Variants in CHRM3 observed in about 807,000 individuals in gnomAD.
CHRM3 encodes cholinergic receptor muscarinic 3.
Under a neutral mutation model 41.8 loss-of-function variants are expected in CHRM3, and 11 were observed. The ratio of observed to expected loss-of-function variants is 0.26; its 90% CI spans 0.17 to 0.44. CHRM3 has a LOEUF of 0.44. CHRM3 is among the 20% of genes least tolerant of loss of function. The probability of loss-of-function intolerance (pLI) is 1.00; values close to 1 mark genes in which losing one functional copy is unlikely to be tolerated. For missense variants in CHRM3, 571 were observed against 745.4 expected (o/e 0.77, Z 2.72); for synonymous variants, 297 against 301.4 (o/e 0.99, Z 0.15).
intron 6 of CHRM3, among the ~76,000 whole-genome samples, chr1:239,860,858 T>G (rs1045947998): frequency 4.6e-5 from 7 of 152,210 alleles, no homozygotes; most frequent in African/African-American, 1.7e-4. Context: ...GTAGTTTAGT[T>G]CATCAAAAAA....
intron 2 of CHRM3, among the ~76,000 whole-genome samples, chr1:239,514,581 C>T (rs527923631): frequency 1.3e-3 from 191 of 152,094 alleles, no homozygotes; most frequent in Admixed American, 2.7e-3. Context: ...TTTTATTTCT[C>T]GCTTATCAAT....
At chr1:239,751,105 G>A (rs1665782605) in intron 5 of CHRM3, among the ~76,000 whole-genome samples, 1 of 152,034 alleles carries the variant, frequency 6.6e-6, no homozygotes, top group Admixed American at 6.6e-5. Context: ...AGGTGTGTTG[G>A]CGAGTGCCTG....
intron 5 of CHRM3, among the ~76,000 whole-genome samples, chr1:239,759,331 A>G (rs2148640511): frequency 6.6e-6 from 1 of 150,474 alleles, no homozygotes; most frequent in African/African-American, 2.5e-5. Flanking sequence ...AAAAAAAGCT[A>G]CTGTATTATC....
intron 2 of CHRM3, among the ~76,000 whole-genome samples, chr1:239,507,156 G>A (rs1421289570): frequency 6.6e-6 from 1 of 152,178 alleles, no homozygotes; most frequent in African/African-American, 2.4e-5. Flanking sequence ...GGACTGTTCA[G>A]AAGGCATGAT....
At chr1:239,832,010 A>T (rs1389099707) in intron 6 of CHRM3, among the ~76,000 whole-genome samples, 1 of 152,182 alleles carries the variant, frequency 6.6e-6, no homozygotes. Flanking sequence ...CTCAGTTGTC[A>T]TGCTCATTTT....
At chr1:239,444,649 T>C (rs1419425780) in intron 1 of CHRM3, among the ~76,000 whole-genome samples, 1 of 152,098 alleles carries the variant, frequency 6.6e-6, no homozygotes, top group Non-Finnish European at 1.5e-5. Context: ...ACAATCAGAA[T>C]TATATTAGGT....
intron 1 of CHRM3, among the ~76,000 whole-genome samples, chr1:239,392,843 T>A (rs1659159596): frequency 6.6e-6 from 1 of 152,222 alleles, no homozygotes; most frequent in Admixed American, 6.5e-5. Flanking sequence ...TTTCTCCCAC[T>A]AGAATTGCCC....
At position 239,609,111 on chromosome 1, in the gene CHRM3, T is replaced by C. The variant is rs147290832; in HGVS notation, c.-312-23113T>C. ...TTCCACACTTTGTAATACATTGTCA[T>C]GTCTTTGCAATCCTTTGTAATCCCT... On this transcript the variant is annotated intron_variant, in intron 3 of 6. Coordinates refer to ENST00000676153, the MANE Select transcript of CHRM3 (RefSeq NM_001375978.1). Among the ~76,000 whole-genome samples, 4 of 152,352 alleles carry C rather than the reference T, an allele frequency of 2.6e-5. No individual in the cohort carries two copies. The East Asian group carries it at 7.7e-4, about 29-fold the overall frequency.
At chr1:239,654,433 C>CT (rs1240817780) in intron 4 of CHRM3, among the ~76,000 whole-genome samples, 1 of 152,218 alleles carries the variant, frequency 6.6e-6, no homozygotes, top group African/African-American at 2.4e-5. Context: ...GAGTCTCACT[C>CT]TGTCACCCAG....
intron 5 of CHRM3, among the ~76,000 whole-genome samples, chr1:239,772,108 G>T (rs933861928): frequency 6.6e-6 from 1 of 152,128 alleles, no homozygotes; most frequent in African/African-American, 2.4e-5. Context: ...AGAGGGGTGG[G>T]TATGAAGACA....
chr1:239,619,301 G>C (rs1039901566), intron 3 of CHRM3, among the ~76,000 whole-genome samples: 1 of 152,136 alleles, frequency 6.6e-6, no homozygotes, highest in African/African-American at 2.4e-5. Flanking sequence ...TGCATGAAAA[G>C]ACCAAGGCCC....
At chr1:239,531,780 C>T (rs1190434677) in intron 2 of CHRM3, among the ~76,000 whole-genome samples, 5 of 147,746 alleles carry the variant, frequency 3.4e-5, no homozygotes, top group African/African-American at 1.2e-4. Flanking sequence ...CTGTCTCAGC[C>T]TCCCGAGTAG....
At chr1:239,761,043 A>G (rs685475) in intron 5 of CHRM3, among the ~76,000 whole-genome samples, 113,025 of 151,442 alleles carry the variant, frequency 0.75, 44,461 homozygotes, top group Middle Eastern at 0.89. Flanking sequence ...ATATTGTCCC[A>G]CTGCTCACTT....
In CHRM3 at chr1:239,397,747, C is replaced by A. The variant is rs977419666; in HGVS notation, c.-521+10520C>A. 3.8e-4 allele frequency among the ~76,000 whole-genome samples: 56 copies of A among 145,734 alleles called. No individual in the cohort carries two copies. In the Middle Eastern group the frequency reaches 0.011, roughly 28 times the overall value. ...AAATATATATTCTATAAAAATATAT[C>A]TATATATATTTCTATATATATATAG... On this transcript the variant is annotated intron_variant, in intron 1 of 6. Coordinates refer to ENST00000676153, the MANE Select transcript of CHRM3 (RefSeq NM_001375978.1).
At chr1:239,572,278 A>T (rs1026395981) in intron 3 of CHRM3, among the ~76,000 whole-genome samples, 2 of 152,220 alleles carry the variant, frequency 1.3e-5, no homozygotes, top group African/African-American at 4.8e-5. Flanking sequence ...GACCCCGTTG[A>T]TAAAACGGAG....
chr1:239,543,011 C>T (rs576153149), intron 2 of CHRM3, among the ~76,000 whole-genome samples: 11 of 152,176 alleles, frequency 7.2e-5, no homozygotes, highest in South Asian at 6.2e-4. Flanking sequence ...TAAATGGGGG[C>T]GAATGGAGGA....
chr1:239,789,238 A>G (rs1285890238), intron 5 of CHRM3, among the ~76,000 whole-genome samples: 1 of 152,220 alleles, frequency 6.6e-6, no homozygotes, highest in African/African-American at 2.4e-5. Context: ...CCAGTGCTCA[A>G]ATTATGCCTA....
chr1:239,585,898 A>T (rs1303903473), intron 3 of CHRM3, among the ~76,000 whole-genome samples: 1 of 152,240 alleles, frequency 6.6e-6, no homozygotes, highest in Non-Finnish European at 1.5e-5. Flanking sequence ...ACTAAAAAAG[A>T]TTCCCCTGCA....
chr1:239,648,638 C>T (rs1671956537), intron 4 of CHRM3, among the ~76,000 whole-genome samples: 1 of 152,062 alleles, frequency 6.6e-6, no homozygotes, highest in African/African-American at 2.4e-5. Flanking sequence ...ATAAGCTAAG[C>T]TTTGTTTCAA....
Sources: allele counts gnomAD v4.1 joint callset (sites outside exome capture counted in the v4.1 genomes callset), GRCh38; gene constraint gnomAD v4.1.1; transcripts MANE v1.5; gene names NCBI Gene and HGNC (gene_info 2026-07-23, HGNC 2026-07-21).